Variants in DPF1 observed in about 807,000 individuals in gnomAD.
DPF1 encodes zinc finger protein neuro-d4.
A neutral mutation model predicts 58.7 loss-of-function variants in DPF1; 14 were observed. The ratio of observed to expected loss-of-function variants is 0.24; its 90% CI spans 0.16 to 0.37. The LOEUF is 0.37. DPF1 is among the 10% of genes least tolerant of loss of function. The pLI is 1.00. For missense variants in DPF1, 345 were observed against 529.9 expected (o/e 0.65, Z 3.43); for synonymous variants, 216 against 216.0 (o/e 1.00, Z 0.00).
rs1167827428 is a variant in DPF1, at chr19:38,218,671, T to C, written c.427-9A>G. On this transcript the variant is annotated splice_polypyrimidine_tract_variant and intron_variant, in intron 4 of 11. Coordinates refer to ENST00000355526, the MANE Select transcript of DPF1 (RefSeq NM_001135155.3). ...TCCAGCAACTGCTGTTTCTGGGCAA[T>C]AGAGAAAGGAGACGGGTCAAGAAAG... The C allele has an allele frequency of 1.9e-6, 3 of 1,614,092 alleles. No individual in the cohort carries two copies. Among genetic ancestry groups the C allele is most frequent in the South Asian group, 2.2e-5 (2 of 91,078 alleles).
At chr19:38,223,492 GAC>G (rs369463004) in intron 1 of DPF1, among the ~76,000 whole-genome samples, 2 of 151,708 alleles carry the variant, frequency 1.3e-5, no homozygotes, top group South Asian at 4.2e-4. Flanking sequence ...CATCCACACA[GAC>G]ACACACACAT....
intron 3 of DPF1, among the ~76,000 whole-genome samples, chr19:38,221,979 G>A (rs992203331): frequency 6.6e-6 from 1 of 152,142 alleles, no homozygotes; most frequent in African/African-American, 2.4e-5. Flanking sequence ...TACTCGGAAG[G>A]CTGAGGCAGA....
chr19:38,227,680 A>G (rs1453474186), upstream of DPF1, among the ~76,000 whole-genome samples: 1 of 152,204 alleles, frequency 6.6e-6, no homozygotes, highest in African/African-American at 2.4e-5. Context: ...TAGCCCCACG[A>G]CAGTCCCATC....
chr19:38,216,499 C>G (rs939503283), intron 7 of DPF1, 96 bp from the exon 8 acceptor site: 1 of 1,414,806 alleles, frequency 7.1e-7, no homozygotes, highest in African/African-American at 1.4e-5. Flanking sequence ...TTAGTCCAGG[C>G]GTGGGGAGCT....
At chr19:38,217,391 A>AC in intron 7 of DPF1, 69 bp downstream of exon 7, 5 of 302,520 alleles carry the variant, frequency 1.7e-5, no homozygotes, top group Non-Finnish European at 2.4e-5. Context: ...CCCCACCCCC[A>AC]CCCCCAGCTG....
upstream of DPF1, among the ~76,000 whole-genome samples, chr19:38,225,331 C>T (rs1479712425): frequency 3.3e-5 from 5 of 152,002 alleles, no homozygotes; most frequent in African/African-American, 1.2e-4. Flanking sequence ...CTTCGGGAGG[C>T]CTAGATGAGA....
At position 38,229,511 on chromosome 19, in the gene DPF1, C is replaced by A; in HGVS notation, c.-132+48G>T. The A allele has an allele frequency of 9.3e-7, 1 of 1,075,766 alleles. No homozygotes were observed. The highest frequency in any genetic ancestry group is 1.2e-6 in the Non-Finnish European group (1 of 867,538). 66.6% of individuals were successfully genotyped at this position (1,075,766 alleles called of 1,614,324 possible). ...CCCCAGGGCGGGCGGGGGAAGGGCT[C>A]CTGGTGGGGGGGTCTGGACAGGGGG... On this transcript the variant is annotated intron_variant, in intron 1 of 11. Transcript: ENST00000412732. The surrounding 1 kb of genome is among the most constrained non-coding windows in gnomAD (Gnocchi z 5.3).
chr19:38,212,501 G>A, intron 10 of DPF1, 140 bp from the exon 11 acceptor site: 1 of 543,664 alleles, frequency 1.8e-6, no homozygotes, highest in South Asian at 2.9e-5. Flanking sequence ...GGTCTTTGCA[G>A]CAGGAAATGT....
chr19:38,215,519 CAAAAA>C (rs1568625746), intron 9 of DPF1, among the ~76,000 whole-genome samples: 1 of 127,296 alleles, frequency 7.9e-6, no homozygotes. Context: ...CAAAACAAAA[CAAAAA>C]CCTTCTGGGC....
At chr19:38,217,684 C>A in intron 6 of DPF1, 93 bp from the exon 7 acceptor site, 1 of 1,553,036 alleles carries the variant, frequency 6.4e-7, no homozygotes, top group South Asian at 1.2e-5. Flanking sequence ...CCCCCTCAGC[C>A]AGAGACCTGA....
chr19:38,218,454 G>T, intron 5 of DPF1, 119 bp downstream of exon 5: 1 of 1,049,582 alleles, frequency 9.5e-7, no homozygotes, highest in Non-Finnish European at 1.5e-6. Context: ...AGGCCGCTCT[G>T]GGGATTCAAT....
In DPF1 at chr19:38,217,970, G is replaced by A. The variant is rs183313915; in HGVS notation, c.517-94C>T. The A allele has an allele frequency of 7.5e-3, 9,383 of 1,256,002 alleles. 56 individuals carry two copies. Among genetic ancestry groups the A allele is most frequent in the Non-Finnish European group, 9.3e-3 (8,060 of 870,334 alleles). 77.8% of individuals were successfully genotyped at this position (1,256,002 alleles called of 1,614,324 possible). A position where few individuals can be genotyped will look rare whatever the true frequency, so the allele number is the denominator to read the frequency against. ...TGTAATCCCAGCACTTTGGGAGGCCGAGGCAGGCGGATCACGAGGTCAAGA... is the reference window on the plus strand; with the variant it reads ...TGTAATCCCAGCACTTTGGGAGGCCAAGGCAGGCGGATCACGAGGTCAAGA... On this transcript the variant is annotated intron_variant, in intron 5 of 11. Coordinates refer to ENST00000355526, the MANE Select transcript of DPF1 (RefSeq NM_001135155.3).
At chr19:38,219,529 G>C (rs1967294085) in intron 3 of DPF1, 1 of 156,306 alleles carries the variant, frequency 6.4e-6, no homozygotes, top group Non-Finnish European at 1.4e-5. Flanking sequence ...CTGTCACCCA[G>C]GTTGGAGTGC....
Position 38,222,886 on chromosome 19 carries a change from C to T in DPF1, c.30-178G>A. On this transcript the variant is annotated intron_variant, in intron 1 of 11. Transcript: ENST00000355526. The surrounding 1 kb of genome is among the most constrained non-coding windows in gnomAD (Gnocchi z 4.9). ...CAGGCTGGGGGAAGGGGACAGGGCC[C>T]AGGGGCCCCCAAACTGGGACTCAAA... The T allele has an allele frequency of 1.1e-6, 1 of 892,962 alleles. No homozygotes were observed. The highest frequency in any genetic ancestry group is 1.6e-6 in the Non-Finnish European group (1 of 631,052). The allele number at this position is 892,962 out of a possible 1,614,324, so 55.3% of individuals were successfully genotyped here. A position where few individuals can be genotyped will look rare whatever the true frequency, so the allele number is the denominator to read the frequency against.
At chr19:38,215,541 G>A (rs1016193626) in intron 9 of DPF1, among the ~76,000 whole-genome samples, 5 of 151,958 alleles carry the variant, frequency 3.3e-5, no homozygotes, top group African/African-American at 1.2e-4. Flanking sequence ...GGGCTCAAGC[G>A]AGCCTCCCAC....
intron 3 of DPF1, among the ~76,000 whole-genome samples, chr19:38,221,624 A>G (rs1967481190): frequency 6.6e-6 from 1 of 151,326 alleles, no homozygotes; most frequent in Non-Finnish European, 1.5e-5. Flanking sequence ...ACCCACACAC[A>G]CCTAACAGAT....
intron 9 of DPF1, among the ~76,000 whole-genome samples, chr19:38,215,374 T>C (rs1568625538): frequency 6.6e-6 from 1 of 151,932 alleles, no homozygotes; most frequent in Non-Finnish European, 1.5e-5. Flanking sequence ...GTGCCTGTAA[T>C]CCTAGCTACT....
intron 9 of DPF1, 40 bp downstream of exon 9, chr19:38,216,100 C>T: frequency 6.3e-7 from 1 of 1,583,338 alleles, no homozygotes; most frequent in Non-Finnish European, 8.6e-7. Flanking sequence ...TGAATGTCCT[C>T]TGCACCCGGC....
At chr19:38,214,356 G>A (rs1486022680) in intron 9 of DPF1, among the ~76,000 whole-genome samples, 1 of 152,126 alleles carries the variant, frequency 6.6e-6, no homozygotes, top group Non-Finnish European at 1.5e-5. Flanking sequence ...CTGCAGCCAC[G>A]ACCCATGGCG....
Sources: gnomAD v4.1 joint callset for allele counts (sites outside exome capture counted in the v4.1 genomes callset) on GRCh38, gnomAD v4.1.1 for gene constraint, Gnocchi (gnomAD v3.1) non-coding constraint, MANE v1.5 for transcripts, NCBI Gene and HGNC (gene_info 2026-07-23, HGNC 2026-07-21) for gene names.